Variants in COL4A5 observed in about 807,000 individuals in gnomAD.
The protein encoded by COL4A5 is collagen alpha-5(IV) chain.
Under a neutral mutation model 130.2 loss-of-function variants are expected in COL4A5, and 26 were observed. The observed-to-expected ratio is 0.20, with a 90% CI of 0.15 to 0.28. The LOEUF is 0.28. Among genes scored for constraint, COL4A5 ranks in the 10% least tolerant of loss-of-function variants. The pLI, the probability that COL4A5 is intolerant of heterozygous loss-of-function variation, is 1.00. For synonymous variants in COL4A5, 496 were observed against 439.6 expected (o/e 1.13, Z -1.60); for missense variants, 1,131 against 1,344.3 (o/e 0.84, Z 2.48).
At position 108,597,586 on chromosome X, in the gene COL4A5, T is replaced by G. The variant is rs2066543895; in HGVS notation, c.1779+18T>G. On this transcript the variant is annotated intron_variant, in intron 24 of 52. Transcript: ENST00000328300. The stretch of plus-strand genomic sequence containing the variant: ...GAGAGCCTGTGAGTTGGTTTGATAT[T>G]TTTGGTTTTGTGATGTTAAATTTTC... 1 of 1,193,959 alleles carries G rather than the reference T, an allele frequency of 8.4e-7. No homozygotes were observed. Among genetic ancestry groups the G allele is most frequent in the Non-Finnish European group, 1.1e-6 (1 of 884,092 alleles).
chrX:108,546,332 TG>T (rs1200189147), intron 2 of COL4A5, among the ~76,000 whole-genome samples: 1 of 111,722 alleles, frequency 9.0e-6, no homozygotes, highest in Admixed American at 9.5e-5. Flanking sequence ...AGCATTTGCT[TG>T]TCTGTAAAGG....
intron 1 of COL4A5, among the ~76,000 whole-genome samples, chrX:108,509,115 A>G (rs762515095): frequency 1.8e-5 from 2 of 112,347 alleles, no homozygotes; most frequent in Non-Finnish European, 3.8e-5. Flanking sequence ...GAAACTATCA[A>G]CAGACTAAAA....
intron 1 of COL4A5, among the ~76,000 whole-genome samples, chrX:108,453,792 A>G (rs2064554395): frequency 8.9e-6 from 1 of 111,971 alleles, no homozygotes; most frequent in Non-Finnish European, 1.9e-5. Context: ...CCAGTATACT[A>G]CATTGGTTTA....
chrX:108,672,799 C>T (rs2147967322), intron 42 of COL4A5, among the ~76,000 whole-genome samples: 1 of 111,597 alleles, frequency 9.0e-6, no homozygotes, highest in Non-Finnish European at 1.9e-5. Context: ...TGTTATTGGT[C>T]CCTCTATATC....
At chrX:108,514,574 A>C (rs1335393460) in intron 1 of COL4A5, among the ~76,000 whole-genome samples, 1 of 111,981 alleles carries the variant, frequency 8.9e-6, no homozygotes, top group Non-Finnish European at 1.9e-5. Flanking sequence ...GTTAGAACAG[A>C]GTGGAAAGAT....
chrX:108,475,761 C>T (rs954062828), intron 1 of COL4A5, among the ~76,000 whole-genome samples: 5 of 110,996 alleles, frequency 4.5e-5, no homozygotes, highest in South Asian at 3.8e-4. Context: ...CTCAATTGAT[C>T]GCAAAAACTG....
At chrX:108,508,733 A>C (rs972205993) in intron 1 of COL4A5, among the ~76,000 whole-genome samples, 1 of 111,087 alleles carries the variant, frequency 9.0e-6, no homozygotes, top group Non-Finnish European at 1.9e-5. Flanking sequence ...GACCAATGGA[A>C]CATAATAGCC....
intron 2 of COL4A5, among the ~76,000 whole-genome samples, chrX:108,554,292 AT>A (rs1296446600): frequency 8.9e-6 from 1 of 111,904 alleles, no homozygotes; most frequent in Non-Finnish European, 1.9e-5. Context: ...ACTTACAGTC[AT>A]GGCAGAAGGC....
At chrX:108,480,262 T>C (rs769555901) in intron 1 of COL4A5, among the ~76,000 whole-genome samples, 4 of 112,360 alleles carry the variant, frequency 3.6e-5, no homozygotes, top group East Asian at 5.6e-4. Flanking sequence ...CAGCAACTTA[T>C]CCTTCACCTT....
chrX:108,513,771 A>C (rs767594107), intron 1 of COL4A5, among the ~76,000 whole-genome samples: 1 of 107,573 alleles, frequency 9.3e-6, no homozygotes, highest in Non-Finnish European at 1.9e-5. Context: ...TGTCCAAAAA[A>C]TCCTGCTTAA....
chrX:108,522,848 G>C (rs2065277517), intron 1 of COL4A5, among the ~76,000 whole-genome samples: 2 of 102,357 alleles, frequency 2.0e-5, no homozygotes, highest in Admixed American at 2.2e-4. Flanking sequence ...ATCTAAGAAG[G>C]CTTTGACTAA....
chrX:108,575,091 C>G (rs776415008), intron 9 of COL4A5, among the ~76,000 whole-genome samples: 1 of 111,011 alleles, frequency 9.0e-6, no homozygotes, highest in South Asian at 3.8e-4. Context: ...GCCCAGCCTA[C>G]AATTTTTTCA....
intron 3 of COL4A5, among the ~76,000 whole-genome samples, chrX:108,560,472 G>A (rs2065883876): frequency 8.9e-6 from 1 of 112,653 alleles, no homozygotes; most frequent in African/African-American, 3.2e-5. Context: ...AATGACCTCA[G>A]CAAGGGTCAA....
At chrX:108,684,319 C>T (rs2147986553) in intron 47 of COL4A5, among the ~76,000 whole-genome samples, 1 of 110,961 alleles carries the variant, frequency 9.0e-6, no homozygotes, top group Admixed American at 9.6e-5. Context: ...ATCAATGAAT[C>T]CAGGAGCTGG....
chrX:108,505,563 T>G (rs2065116717), intron 1 of COL4A5, among the ~76,000 whole-genome samples: 1 of 111,142 alleles, frequency 9.0e-6, no homozygotes, highest in African/African-American at 3.3e-5. Context: ...AAGGTGGAAC[T>G]CTAATCAATA....
At position 108,598,746 on chromosome X, in the gene COL4A5, A is replaced by C; in HGVS notation, c.1824A>C (p.Pro608=). The change falls in exon 25 of 53, where the codon CCA becomes CCC. Residue 608 remains proline, a synonymous_variant. Transcript: ENST00000328300. The part of the protein sequence containing the change: ...FKGERGPPGN[P]GLPGLPGNIG... ...GTGAAAGAGGTCCCCCTGGGAACCC[A>C]GGTTTACCAGGCCTCCCAGGGAATA... 1 of 1,210,391 alleles carries C rather than the reference A, an allele frequency of 8.3e-7. No individual in the cohort carries two copies.
intron 36 of COL4A5, chrX:108,627,598 G>T (rs2067176692): frequency 2.9e-6 from 2 of 696,228 alleles, no homozygotes; most frequent in African/African-American, 2.4e-5. Flanking sequence ...GTAATTGTTG[G>T]ATCAAAGGAT....
At chrX:108,454,392 C>T (rs1337166197) in intron 1 of COL4A5, among the ~76,000 whole-genome samples, 2 of 111,163 alleles carry the variant, frequency 1.8e-5, no homozygotes, top group Non-Finnish European at 3.8e-5. Flanking sequence ...ATTCTCCTGC[C>T]TCAGCCTCCT....
intron 6 of COL4A5, among the ~76,000 whole-genome samples, chrX:108,570,598 C>T (rs2066048675): frequency 8.9e-6 from 1 of 111,763 alleles, no homozygotes; most frequent in African/African-American, 3.2e-5. Context: ...AAAGTTGGAG[C>T]CACAATGTAT....
Sources: gnomAD v4.1 joint callset for allele counts (sites outside exome capture counted in the v4.1 genomes callset) on GRCh38, gnomAD v4.1.1 for gene constraint, MANE v1.5 for transcripts, NCBI Gene and HGNC (gene_info 2026-07-23, HGNC 2026-07-21) for gene names.